The following IL13RA1 variants were observed in gnomAD, a reference collection of about 807,000 sequenced individuals.
IL13RA1 encodes interleukin 13 receptor subunit alpha 1.
IL13RA1 carries 14 observed loss-of-function variants against 33.8 expected under a neutral mutation model. That is an observed-to-expected ratio of 0.41 (90% CI 0.27 to 0.65). The LOEUF is 0.65. Ranked by LOEUF, IL13RA1 falls within the 30% of genes least tolerant of loss-of-function variation. IL13RA1 has a pLI of 0.28. For synonymous variants in IL13RA1, 116 were observed against 115.7 expected (o/e 1.00, Z -0.02); for missense variants, 313 against 327.0 (o/e 0.96, Z 0.33).
intron 10 of IL13RA1, among the ~76,000 whole-genome samples, chrX:118,781,644 G>T (rs956751483): frequency 1.8e-5 from 2 of 112,816 alleles, no homozygotes; most frequent in Admixed American, 9.3e-5. Flanking sequence ...GAGCCACCAC[G>T]CCCAGCCTCA....
downstream of IL13RA1, among the ~76,000 whole-genome samples, chrX:118,797,648 C>A (rs188707353): frequency 5.3e-4 from 60 of 112,181 alleles, no homozygotes; most frequent in African/African-American, 1.9e-3. Context: ...GTGGTTCAGG[C>A]CTTAAGATAG....
At chrX:118,731,856 T>C (rs1159787024) in intron 1 of IL13RA1, among the ~76,000 whole-genome samples, 1 of 112,046 alleles carries the variant, frequency 8.9e-6, no homozygotes, top group Non-Finnish European at 1.9e-5. Context: ...GAGTCTGTGC[T>C]CTTAAACACT....
intron 8 of IL13RA1, among the ~76,000 whole-genome samples, chrX:118,769,406 ACTTACTAAACCTCTCTGAGC>A (rs1353692428): frequency 8.9e-6 from 1 of 112,731 alleles, no homozygotes; most frequent in Non-Finnish European, 1.9e-5. Context: ...CTTCCGGATG[ACTTACTAAACCTCTCTGAGC>A]CTTATCTTTC....
rs754542751 is a variant in IL13RA1 at position 118,727,606 on chromosome X, C to G, written c.-33C>G. ...GAAGGAGGCGGGGACTGCCAAGGCT[C>G]CAGCCCGGCCGGGCTCCGAGGCGAG... On this transcript the variant is annotated 5_prime_UTR_variant, in exon 1 of 11. Transcript: ENST00000371666. 3.5e-5 allele frequency: 30 copies of G among 854,311 alleles called. No individual in the cohort carries two copies. The African/African-American group carries it at 5.7e-4, about 16-fold the overall frequency. 70.4% of individuals were successfully genotyped at this position (854,311 alleles called of 1,213,427 possible).
chrX:118,800,496 C>T, the IL13RA1 span, among the ~76,000 whole-genome samples: 1 of 110,574 alleles, frequency 9.0e-6, no homozygotes, highest in Non-Finnish European at 1.9e-5. Flanking sequence ...CACTCATTAG[C>T]CAGTGAGACC....
At chrX:118,777,318 A>G (rs757763037) in intron 10 of IL13RA1, among the ~76,000 whole-genome samples, 2 of 111,689 alleles carry the variant, frequency 1.8e-5, no homozygotes, top group Non-Finnish European at 3.8e-5. Flanking sequence ...ATGTATCAGA[A>G]TTTCCTTTTG....
chrX:118,770,000 C>G, intron 8 of IL13RA1: 1 of 219,725 alleles, frequency 4.6e-6, no homozygotes. Context: ...CACCGGCGAC[C>G]CGGGCACCAG....
At chrX:118,790,223 GA>G (rs1319739590) in intron 10 of IL13RA1, among the ~76,000 whole-genome samples, 1 of 111,958 alleles carries the variant, frequency 8.9e-6, no homozygotes, top group Non-Finnish European at 1.9e-5. Context: ...TCCTATAAAT[GA>G]AATCACACAG....
intron 1 of IL13RA1, among the ~76,000 whole-genome samples, chrX:118,728,303 C>A (rs1352496454): frequency 2.7e-5 from 3 of 112,511 alleles, no homozygotes; most frequent in East Asian, 5.6e-4. Flanking sequence ...AAGGACGTGA[C>A]GCTCATGACC....
intron 6 of IL13RA1, among the ~76,000 whole-genome samples, chrX:118,765,303 G>A (rs1178742857): frequency 1.9e-5 from 2 of 104,953 alleles, no homozygotes; most frequent in African/African-American, 7.1e-5. Context: ...ACGAGGTTTC[G>A]CCATGTTAGG....
At position 118,727,624 on chromosome X, in the gene IL13RA1, G is replaced by C; in HGVS notation, c.-15G>C. On this transcript the variant is annotated 5_prime_UTR_variant, in exon 1 of 11. Coordinates refer to ENST00000371666, the MANE Select transcript of IL13RA1 (RefSeq NM_001560.3). ...CAAGGCTCCAGCCCGGCCGGGCTCC[G>C]AGGCGAGAGGCTGCATGGAGTGGCC... 4.4e-6 allele frequency: 4 copies of C among 913,895 alleles called. No homozygotes were observed. The highest frequency in any genetic ancestry group is 5.6e-5 in the Admixed American group (1 of 18,010). The allele number at this position is 913,895 out of a possible 1,213,427, so 75.3% of individuals were successfully genotyped here. A position where few individuals can be genotyped will look rare whatever the true frequency, so the allele number is the denominator to read the frequency against.
chrX:118,749,850 CA>C (rs747793072), intron 4 of IL13RA1, 72 bp downstream of exon 4: 3,145 of 586,764 alleles, frequency 5.4e-3, no homozygotes, highest in South Asian at 7.6e-3. Flanking sequence ...CCAACCTAGT[CA>C]AAAAAAAAAG....
the IL13RA1 span, among the ~76,000 whole-genome samples, chrX:118,800,468 C>A: frequency 1.0e-4 from 11 of 110,419 alleles, 1 homozygote; most frequent in East Asian, 2.6e-3. Flanking sequence ...TAACACACAC[C>A]GCCAAGGTCT....
At chrX:118,783,875 TC>T (rs1446256902) in intron 10 of IL13RA1, among the ~76,000 whole-genome samples, 1 of 102,354 alleles carries the variant, frequency 9.8e-6, no homozygotes, top group Admixed American at 1.1e-4. Flanking sequence ...GGTCAGGAGT[TC>T]GAGACCAACC....
intron 6 of IL13RA1, among the ~76,000 whole-genome samples, chrX:118,764,323 C>T (rs113115968): frequency 2.1e-3 from 226 of 108,982 alleles, no homozygotes; most frequent in African/African-American, 7.0e-3. Flanking sequence ...CAGGTTGATT[C>T]GGCAAGTTTG....
intron 3 of IL13RA1, among the ~76,000 whole-genome samples, chrX:118,747,304 A>G (rs928407679): frequency 4.5e-5 from 5 of 111,210 alleles, no homozygotes; most frequent in Non-Finnish European, 5.6e-5. Context: ...ACAATGCCTA[A>G]TAGTTATATA....
At chrX:118,753,780 A>G (rs1046637240) in intron 4 of IL13RA1, among the ~76,000 whole-genome samples, 1 of 112,288 alleles carries the variant, frequency 8.9e-6, no homozygotes, top group Non-Finnish European at 1.9e-5. Flanking sequence ...TCGGCCTCCC[A>G]AAGTGCTGGG....
chrX:118,770,593 G>T, intron 8 of IL13RA1: 1 of 476,219 alleles, frequency 2.1e-6, no homozygotes, highest in South Asian at 2.4e-5. Context: ...CAAGCTGTAC[G>T]GGCACATCCG....
downstream of IL13RA1, among the ~76,000 whole-genome samples, chrX:118,796,828 G>T (rs2018035002): frequency 8.9e-6 from 1 of 112,979 alleles, no homozygotes; most frequent in African/African-American, 3.2e-5. Context: ...GAGCCACCGT[G>T]CCTGGCCTAT....
Sources: allele counts gnomAD v4.1 joint callset (sites outside exome capture counted in the v4.1 genomes callset), GRCh38; gene constraint gnomAD v4.1.1; transcripts MANE v1.5; gene names NCBI Gene and HGNC (gene_info 2026-07-23, HGNC 2026-07-21).